Variants in LRAT observed in about 807,000 individuals in gnomAD.
The protein encoded by LRAT is lecithin retinol acyltransferase (phosphatidylcholine--retinol O-acyltransferase).
In LRAT, 11 loss-of-function variants were observed where a neutral mutation model predicts 14.2. The observed-to-expected ratio is 0.78, with a 90% confidence interval of 0.49 to 1.29. LRAT has a LOEUF of 1.29. Among genes scored for constraint, LRAT ranks in the 50% most tolerant of loss-of-function variants. The probability of loss-of-function intolerance (pLI) is 0.00; values close to 1 mark genes in which losing one functional copy is unlikely to be tolerated. For missense variants in LRAT, 274 were observed against 292.4 expected (o/e 0.94, Z 0.46); for synonymous variants, 144 against 124.8 (o/e 1.15, Z -1.03).
Position 154,744,315 on chromosome 4 carries a change from C to G in LRAT, c.-1-11C>G, listed in dbSNP as rs1560870427. On this transcript the variant is annotated splice_polypyrimidine_tract_variant and intron_variant, in intron 1 of 2. Coordinates refer to ENST00000336356, the MANE Select transcript of LRAT (RefSeq NM_004744.5). ...CACCGGCACCTCTCCAAGACGCCCT[C>G]TTCCCTGCAGGATGAAGAACCCCAT... 6.2e-7 allele frequency: 1 copy of G among 1,613,968 alleles called. No individual in the cohort carries two copies. Among genetic ancestry groups the G allele is most frequent in the African/African-American group, 1.3e-5 (1 of 75,074 alleles).
rs750988387 is a variant in LRAT, at chr4:154,744,283, G to A, written c.-1-43G>A. On this transcript the variant is annotated intron_variant, in intron 1 of 2. Transcript: ENST00000336356. The stretch of plus-strand genomic sequence containing the variant: ...TAACTTGCCCAGCCCGGCCCCTGCC[G>A]GAGTGGCACCGGCACCTCTCCAAGA... 1.2e-5 allele frequency: 20 copies of A among 1,606,240 alleles called. No individual in the cohort carries two copies. In the Admixed American group the frequency reaches 1.8e-4, roughly 15 times the overall value.
Position 154,744,439 on chromosome 4 carries a change from G to C in LRAT, c.113G>C (p.Ser38Thr). ...GAAGEDKGRNSFYETSSFHRG... is the reference protein window; with the variant it reads ...GAAGEDKGRNTFYETSSFHRG... Reference sequence around the variant, plus strand: ...GCGGGCGAAGACAAAGGGAGGAACAGTTTTTATGAAACCAGCTCTTTCCAC... The same window carrying C: ...GCGGGCGAAGACAAAGGGAGGAACACTTTTTATGAAACCAGCTCTTTCCAC... The change falls in exon 2 of 3, where the codon AGT (serine) becomes ACT (threonine). Residue 38 changes from serine (S) to threonine (T), a missense_variant. Transcript: ENST00000336356. 6.2e-7 allele frequency: 1 copy of C among 1,614,100 alleles called. No homozygotes were observed. Among genetic ancestry groups the C allele is most frequent in the Non-Finnish European group, 8.5e-7 (1 of 1,180,042 alleles).
chr4:154,742,636 G>A (rs1732788441), upstream of LRAT, among the ~76,000 whole-genome samples: 1 of 152,162 alleles, frequency 6.6e-6, no homozygotes, highest in Non-Finnish European at 1.5e-5. Context: ...CAGAATTTAA[G>A]CATTTACATA....
rs139934193 is a variant in LRAT at position 154,747,534 on chromosome 4, C to T, written c.541-1450C>T. Among the ~76,000 whole-genome samples the T allele has an allele frequency of 1.8e-4, 27 of 152,254 alleles. No individual in the cohort carries two copies. In the East Asian group the frequency reaches 5.2e-3, roughly 29 times the overall value. ...TGTTGAGCACCACTAAAGATGCCTG[C>T]TGGTCTGCTGACCAAGTGAACAGGA... On this transcript the variant is annotated intron_variant, in intron 2 of 2. Transcript: ENST00000336356.
rs1560871145 is a variant in LRAT, at chr4:154,744,788, C to T, written c.462C>T (p.Tyr154=). 6.2e-7 allele frequency: 1 copy of T among 1,614,140 alleles called. No individual in the cohort carries two copies. The highest frequency in any genetic ancestry group is 8.5e-7 in the Non-Finnish European group (1 of 1,180,042). ...AAAAGCTGCTGGGCTTTACCCCCTA[C>T]AGCCTGCTGTGGAACAACTGCGAGC... is the stretch of plus-strand genomic sequence containing the variant. The part of the protein sequence containing the change: ...RAEKLLGFTP[Y]SLLWNNCEHF... The change falls in exon 2 of 3, where the codon TAC becomes TAT. Residue 154 remains tyrosine, a synonymous_variant. Transcript: ENST00000336356.
upstream of LRAT, among the ~76,000 whole-genome samples, chr4:154,741,302 G>C (rs1248816254): frequency 5.9e-5 from 9 of 152,106 alleles, no homozygotes; most frequent in Non-Finnish European, 2.9e-5. Context: ...CCGCATAAGA[G>C]TTCTGGGAAG....
rs1206745592 is a variant in LRAT, at chr4:154,750,655, T to G, written c.*1519T>G. 1 of 152,060 alleles carries G rather than the reference T, an allele frequency of 6.6e-6. No individual in the cohort carries two copies. Among genetic ancestry groups the G allele is most frequent in the African/African-American group, 2.4e-5 (1 of 41,430 alleles). 9.4% of individuals were successfully genotyped at this position (152,060 alleles called of 1,614,324 possible). On this transcript the variant is annotated 3_prime_UTR_variant, in exon 3 of 3. Coordinates refer to ENST00000336356, the MANE Select transcript of LRAT (RefSeq NM_004744.5). ...TTTTCAAATTAAATATTAAATTATT[T>G]AAGTATTTTAAATAATTAAAACATT...
rs1732943125 is a variant in LRAT at position 154,749,260 on chromosome 4, G to T, written c.*124G>T. The T allele has an allele frequency of 8.8e-7, 1 of 1,132,582 alleles. No individual in the cohort carries two copies. Among genetic ancestry groups the T allele is most frequent in the African/African-American group, 1.5e-5 (1 of 65,456 alleles). 70.2% of individuals were successfully genotyped at this position (1,132,582 alleles called of 1,614,324 possible). A position where few individuals can be genotyped will look rare whatever the true frequency, so the allele number is the denominator to read the frequency against. ...GTAACACTGTGTTCTGGATAAAAAT[G>T]TGATTAGGAATCACGCAAAGTGCTT... On this transcript the variant is annotated 3_prime_UTR_variant, in exon 3 of 3. Coordinates refer to ENST00000336356, the MANE Select transcript of LRAT (RefSeq NM_004744.5).
At chr4:154,748,850 T>A (rs974640213) in intron 2 of LRAT, 134 bp from the exon 3 acceptor site, 7 of 813,370 alleles carry the variant, frequency 8.6e-6, no homozygotes, top group Non-Finnish European at 1.4e-5. Flanking sequence ...GTAAATTTTT[T>A]TGTAAGTCAT....
chr4:154,746,184 A>C (rs1307727249), intron 2 of LRAT, among the ~76,000 whole-genome samples: 1 of 152,198 alleles, frequency 6.6e-6, no homozygotes, highest in Non-Finnish European at 1.5e-5. Context: ...GTTAATGTTC[A>C]GTCTTTATAA....
At chr4:154,745,012 T>TTG (rs1560871399) in intron 2 of LRAT, 146 bp downstream of exon 2, 2 of 358,760 alleles carry the variant, frequency 5.6e-6, no homozygotes, top group African/African-American at 2.0e-4. Context: ...TTTCCTTTTT[T>TTG]TTTTTTTTTT....
rs768255532 is a variant in LRAT, at chr4:154,744,366, G to A, written c.40G>A (p.Glu14Lys). ...GCTGGAGGTGGTGTCTTTACTACTG[G>A]AGAAGCTGCTCCTCATCTCCAACTT... ...PMLEVVSLLL[E>K]KLLLISNFTL... Residue 14 changes from glutamate (E) to lysine (K), a missense_variant, in exon 2 of 3, where the codon GAG becomes AAG. Coordinates refer to ENST00000336356, the MANE Select transcript of LRAT (RefSeq NM_004744.5). The A allele has an allele frequency of 2.5e-6, 4 of 1,614,150 alleles. No homozygotes were observed. In the South Asian group the frequency reaches 3.3e-5, roughly 13 times the overall value.
In LRAT at chr4:154,749,029, C is replaced by T. The variant is rs1404827841; in HGVS notation, c.586C>T (p.Leu196Phe). 1.2e-6 allele frequency: 2 copies of T among 1,613,760 alleles called. 1 individual carries two copies. The highest frequency in any genetic ancestry group is 3.3e-5 in the Admixed American group (2 of 60,014). Residue 196 changes from leucine to phenylalanine, a missense_variant, in exon 3 of 3, where the codon CTT becomes TTT. Coordinates refer to ENST00000336356, the MANE Select transcript of LRAT (RefSeq NM_004744.5). ...AATTATTCGTGATCAGAGAAGTGTT[C>T]TTGCTTCAGCAGTCTTGGGATTGGC... is the stretch of plus-strand genomic sequence containing the variant. ...KIIIRDQRSVLASAVLGLASI... is the reference protein window; with the variant it reads ...KIIIRDQRSVFASAVLGLASI...
upstream of LRAT, chr4:154,743,871 T>C (rs1257838799): frequency 1.9e-5 from 2 of 102,598 alleles, no homozygotes; most frequent in East Asian, 3.2e-4. Context: ...GAAACCGGGA[T>C]CCCGCGTCCT....
Position 154,744,032 on chromosome 4 carries a change from C to A in LRAT, c.-192C>A, listed in dbSNP as rs908185193. 1.7e-5 allele frequency: 8 copies of A among 462,442 alleles called. No individual in the cohort carries two copies. In the Admixed American group the frequency reaches 2.1e-4, roughly 12 times the overall value. The allele number at this position is 462,442 out of a possible 1,614,324, so 28.6% of individuals were successfully genotyped here. A position where few individuals can be genotyped will look rare whatever the true frequency, so the allele number is the denominator to read the frequency against. ...GCGCGCGGCCCTGCCCCCGGCACGGCCCCCAGGTGCGCTCCTTCTCCGGCT... is the reference window on the plus strand; with the variant it reads ...GCGCGCGGCCCTGCCCCCGGCACGGACCCCAGGTGCGCTCCTTCTCCGGCT... On this transcript the variant is annotated 5_prime_UTR_variant, in exon 1 of 3. Transcript: ENST00000336356.
intron 2 of LRAT, chr4:154,745,225 A>G: frequency 7.9e-6 from 2 of 253,772 alleles, no homozygotes; most frequent in Non-Finnish European, 1.6e-5. Context: ...GTTTCACCGT[A>G]TTAGCAAGGA....
chr4:154,751,620 G>A lies in LRAT; in HGVS notation c.*2484G>A, dbSNP rs1471444150. 1 of 150,924 alleles carries A rather than the reference G, an allele frequency of 6.6e-6. No homozygotes were observed. The highest frequency in any genetic ancestry group is 1.5e-5 in the Non-Finnish European group (1 of 68,112). The allele number at this position is 150,924 out of a possible 1,614,324, so 9.3% of individuals were successfully genotyped here. On this transcript the variant is annotated 3_prime_UTR_variant, in exon 3 of 3. Transcript: ENST00000336356. Reference sequence around the variant, plus strand: ...GTGGTGGCCGGCGCCTGTAGTCCCAGCTACTCATGAGGTTGAGGCAGGAGA... The same window carrying A: ...GTGGTGGCCGGCGCCTGTAGTCCCAACTACTCATGAGGTTGAGGCAGGAGA...
rs558974326 is a variant in LRAT, at chr4:154,750,593, C to T, written c.*1457C>T. ...AGATTTTAGATTAATAATGTTTTAT[C>T]ACCACTAATTTGCCCACAACAAACT... On this transcript the variant is annotated 3_prime_UTR_variant, in exon 3 of 3. Coordinates refer to ENST00000336356, the MANE Select transcript of LRAT (RefSeq NM_004744.5). 3.9e-5 allele frequency: 6 copies of T among 152,162 alleles called. No individual in the cohort carries two copies. The South Asian group carries it at 1.2e-3, about 32-fold the overall frequency. 9.4% of individuals were successfully genotyped at this position (152,162 alleles called of 1,614,324 possible). A position where few individuals can be genotyped will look rare whatever the true frequency, so the allele number is the denominator to read the frequency against.
Position 154,749,183 on chromosome 4 carries a change from T to TAAAC in LRAT, c.*48_*49insAACA. The TAAAC allele has an allele frequency of 6.4e-7, 1 of 1,551,732 alleles. No individual in the cohort carries two copies. Among genetic ancestry groups the TAAAC allele is most frequent in the Non-Finnish European group, 8.9e-7 (1 of 1,123,576 alleles). ...TGTGTATTCTGTATGTAAATATGTT[T>TAAAC]ATATTTATAGAGCATCAATCAATAT... On this transcript the variant is annotated 3_prime_UTR_variant, in exon 3 of 3. Transcript: ENST00000336356.
Sources: gnomAD v4.1 joint callset for allele counts (sites outside exome capture counted in the v4.1 genomes callset) on GRCh38, gnomAD v4.1.1 for gene constraint, MANE v1.5 for transcripts, NCBI Gene and HGNC (gene_info 2026-07-23, HGNC 2026-07-21) for gene names.